Variants in SNTG2 observed in about 807,000 individuals in gnomAD.
The protein encoded by SNTG2 is gamma-2-syntrophin.
Under a neutral mutation model 70.9 loss-of-function variants are expected in SNTG2, and 74 were observed. That is an observed-to-expected ratio of 1.04 (90% CI 0.86 to 1.27). The LOEUF is 1.27. Among genes scored for constraint, SNTG2 ranks in the 50% most tolerant of loss-of-function variants. The probability of loss-of-function intolerance (pLI) is 0.00; values close to 1 mark genes in which losing one functional copy is unlikely to be tolerated. For missense variants in SNTG2, 717 were observed against 690.7 expected, an observed-to-expected ratio of 1.04 and a Z score of -0.43; for synonymous variants, 278 against 273.8, an observed-to-expected ratio of 1.02 and a Z score of -0.15.
At chr2:1,364,735 A>C (rs1455066725) in intron 16 of SNTG2, among the ~76,000 whole-genome samples, 2 of 40,418 alleles carry the variant, frequency 4.9e-5, no homozygotes, top group South Asian at 1.9e-3. Context: ...TACTAAAAAT[A>C]CCAAAAAAAA....
chr2:1,157,328 C>T (rs1033787359), intron 6 of SNTG2, among the ~76,000 whole-genome samples: 7 of 152,064 alleles, frequency 4.6e-5, no homozygotes, highest in African/African-American at 9.7e-5. Context: ...AAGTGCACCC[C>T]GGCACTGCGG....
At chr2:1,205,918 T>C (rs553951312) in intron 8 of SNTG2, among the ~76,000 whole-genome samples, 1 of 152,302 alleles carries the variant, frequency 6.6e-6, no homozygotes, top group East Asian at 1.9e-4. Flanking sequence ...GTCAGTTCTT[T>C]GGCAACTTTT....
rs535390898 is a variant in SNTG2 at position 954,664 on chromosome 2, C to G, written c.72+3596C>G. Among the ~76,000 whole-genome samples, 186 of 152,266 alleles carry G rather than the reference C, an allele frequency of 1.2e-3. 1 individual carries two copies. Among genetic ancestry groups the G allele is most frequent in the African/African-American group, 4.4e-3 (182 of 41,550 alleles). On this transcript the variant is annotated intron_variant, in intron 1 of 16. Transcript: ENST00000308624. ...ATTTCTGTATTAAATGCTAAGCTCC[C>G]CTATGTGGGTGTAATCCCTCACCTG...
chr2:1,160,477 C>G (rs1254041159), intron 6 of SNTG2: 1 of 152,148 alleles, frequency 6.6e-6, no homozygotes, highest in Non-Finnish European at 1.5e-5. Flanking sequence ...GTGTTGTGCT[C>G]TTCTCTGCTC....
At chr2:1,262,791 CCGGAAGGCTCGGTCCAGACGACGA>C in intron 13 of SNTG2, 2 of 152,300 alleles carry the variant, frequency 1.3e-5, no homozygotes, top group African/African-American at 2.4e-5. Context: ...GACGAGGTAA[CCGGAAGGCTCGGTCCAGACGACGA>C]AACCCGAAGG....
intron 4 of SNTG2, among the ~76,000 whole-genome samples, chr2:1,099,815 A>G (rs1299186060): frequency 6.6e-6 from 1 of 152,220 alleles, no homozygotes; most frequent in Non-Finnish European, 1.5e-5. Flanking sequence ...AGAGGTTTCC[A>G]CAGAATGCGT....
At chr2:1,205,134 G>A (rs1673551180) in intron 8 of SNTG2, among the ~76,000 whole-genome samples, 1 of 152,050 alleles carries the variant, frequency 6.6e-6, no homozygotes, top group South Asian at 2.1e-4. Context: ...AGAGAACGTA[G>A]ACTTAAGAGT....
At chr2:1,257,054 T>C (rs9330333) in intron 12 of SNTG2, among the ~76,000 whole-genome samples, 45,279 of 151,652 alleles carry the variant, frequency 0.3, 7,530 homozygotes, top group African/African-American at 0.45. Context: ...TGCCCCTCAC[T>C]GCCCCCACCT....
At chr2:1,144,700 TG>T (rs1410129697) in intron 6 of SNTG2, among the ~76,000 whole-genome samples, 1 of 152,130 alleles carries the variant, frequency 6.6e-6, no homozygotes, top group Non-Finnish European at 1.5e-5. Context: ...CTTATAAAAC[TG>T]TCAGATCTCA....
In SNTG2 at chr2:1,137,800, T is replaced by C; in HGVS notation, c.402T>C (p.His134=). ...GCATACATGTAGAAAATGCAACTCATGAAGAAGTGGTAAGTGAATTACATT... is the reference window on the plus strand; with the variant it reads ...GCATACATGTAGAAAATGCAACTCACGAAGAAGTGGTAAGTGAATTACATT... ...VNGIHVENAT[H]EEVVHLLRNA... Residue 134 remains histidine (H), a synonymous_variant, in exon 6 of 17, where the codon CAT becomes CAC. Coordinates refer to ENST00000308624, the MANE Select transcript of SNTG2 (RefSeq NM_018968.4). The C allele has an allele frequency of 6.2e-7, 1 of 1,612,418 alleles. No homozygotes were observed. Among genetic ancestry groups the C allele is most frequent in the Non-Finnish European group, 8.5e-7 (1 of 1,178,948 alleles).
At chr2:1,222,559 C>T (rs878862113) in intron 9 of SNTG2, among the ~76,000 whole-genome samples, 12,296 of 23,460 alleles carry the variant, frequency 0.52, 2,714 homozygotes, top group East Asian at 0.58. Context: ...TAGAGGAAAG[C>T]GGTGCAGTGA....
intron 6 of SNTG2, among the ~76,000 whole-genome samples, chr2:1,162,631 C>T (rs1338596426): frequency 6.6e-6 from 1 of 152,162 alleles, no homozygotes; most frequent in Non-Finnish European, 1.5e-5. Flanking sequence ...CTTGCAGGGC[C>T]TTGTGAGAGT....
At chr2:1,082,750 C>T (rs1453033441) in intron 1 of SNTG2, among the ~76,000 whole-genome samples, 5 of 152,246 alleles carry the variant, frequency 3.3e-5, no homozygotes, top group African/African-American at 7.2e-5. Context: ...TGTGCCTGAC[C>T]GGCGGCCTGC....
At chr2:956,243 C>CCTT (rs1389919684) in intron 1 of SNTG2, among the ~76,000 whole-genome samples, 1 of 113,392 alleles carries the variant, frequency 8.8e-6, no homozygotes, top group African/African-American at 3.6e-5. Context: ...ACCCCTGCCC[C>CCTT]GCCCCGCCCC....
chr2:988,071 G>A (rs1444253991), intron 1 of SNTG2, among the ~76,000 whole-genome samples: 1 of 152,208 alleles, frequency 6.6e-6, no homozygotes, highest in Non-Finnish European at 1.5e-5. Context: ...CGCCCCTTTG[G>A]CAGGACGCAG....
intron 9 of SNTG2, among the ~76,000 whole-genome samples, chr2:1,215,500 A>G (rs535495374): frequency 1.3e-4 from 19 of 151,630 alleles, no homozygotes; most frequent in African/African-American, 4.6e-4. Context: ...TGTTTCTAGG[A>G]ATTTTTTTTA....
chr2:1,363,246 C>A (rs1661298534), intron 16 of SNTG2, among the ~76,000 whole-genome samples: 3 of 152,076 alleles, frequency 2.0e-5, no homozygotes, highest in Admixed American at 1.3e-4. Context: ...AAAGACAAGT[C>A]TTCTATGAGG....
At chr2:1,073,429 C>T (rs1350021627) in intron 1 of SNTG2, among the ~76,000 whole-genome samples, 1 of 152,204 alleles carries the variant, frequency 6.6e-6, no homozygotes, top group East Asian at 1.9e-4. Context: ...TGATTGTTAA[C>T]ATTTTTAGCA....
At chr2:1,094,126 G>A (rs866603103) in intron 2 of SNTG2, among the ~76,000 whole-genome samples, 6 of 124,574 alleles carry the variant, frequency 4.8e-5, no homozygotes, top group African/African-American at 9.7e-5. Context: ...GCTTGCAGGC[G>A]AAGGCCTTAT....
Sources: allele counts gnomAD v4.1 joint callset (sites outside exome capture counted in the v4.1 genomes callset), GRCh38; gene constraint gnomAD v4.1.1; transcripts MANE v1.5; gene names NCBI Gene and HGNC (gene_info 2026-07-23, HGNC 2026-07-21).